PPP2R2C: variants seen among roughly 807,000 people sequenced by gnomAD.
PPP2R2C encodes the protein protein phosphatase 2, regulatory subunit B, gamma.
Under a neutral mutation model 45.3 loss-of-function variants are expected in PPP2R2C, and 10 were observed. The ratio of observed to expected loss-of-function variants is 0.22; its 90% CI spans 0.14 to 0.37. The LOEUF (loss-of-function observed/expected upper bound fraction) is 0.37. PPP2R2C is among the 10% of genes least tolerant of loss of function. The pLI is 1.00. For missense variants in PPP2R2C, 308 were observed against 619.7 expected, an observed-to-expected ratio of 0.50 and a Z score of 5.34; for synonymous variants, 257 against 245.4, an observed-to-expected ratio of 1.05 and a Z score of -0.44.
chr4:6,541,069 A>AAG (rs76437975), intron 1 of PPP2R2C, among the ~76,000 whole-genome samples: 28,634 of 152,058 alleles, frequency 0.19, 2,842 homozygotes, highest in Non-Finnish European at 0.23. Flanking sequence ...AGAAGAAAAC[A>AAG]AGGGAAAGGG....
chr4:6,477,335 A>G (rs1722197320), upstream of PPP2R2C, among the ~76,000 whole-genome samples: 1 of 152,332 alleles, frequency 6.6e-6, no homozygotes, highest in Non-Finnish European at 1.5e-5. Context: ...AAGAGGTAAC[A>G]GAAGATTGTC....
At chr4:6,410,566 T>C (rs775119477) in intron 1 of PPP2R2C, among the ~76,000 whole-genome samples, 3 of 152,108 alleles carry the variant, frequency 2.0e-5, no homozygotes, top group African/African-American at 4.8e-5. Context: ...GTAGGTACTG[T>C]GTGGGGAAAG....
chr4:6,558,459 C>A (rs978125083), intron 1 of PPP2R2C, among the ~76,000 whole-genome samples: 1 of 152,148 alleles, frequency 6.6e-6, no homozygotes, highest in Admixed American at 6.5e-5. Flanking sequence ...GGTGTGTGAG[C>A]CTTTACCTGC....
rs986081252 is a variant in PPP2R2C, at chr4:6,453,689, G to A, written c.70+18471C>T. On this transcript the variant is annotated intron_variant, in intron 1 of 8. Transcript: ENST00000382599. ...GGCTGAACAAACAAGATGATGGGGA[G>A]GTCGGTGTGTCCTTCTTGGAGTCAA... Among the ~76,000 whole-genome samples, 10 of 152,356 alleles carry A rather than the reference G, an allele frequency of 6.6e-5. No homozygotes were observed. The East Asian group carries it at 1.9e-3, about 29-fold the overall frequency.
chr4:6,384,674 G>A (rs770534125), intron 1 of PPP2R2C: 28 of 985,250 alleles, frequency 2.8e-5, no homozygotes, highest in Middle Eastern at 5.2e-4. Flanking sequence ...ACAAATGCTG[G>A]GTGGTTACCA....
rs767153139 is a variant in PPP2R2C, at chr4:6,324,603, G to A, written c.1053-1010C>T. ...TTCCCTCCAGGGGCCCGCCTGTCCC[G>A]AGGACTCGGGCGAATAAACAAACAT... is the stretch of plus-strand genomic sequence containing the variant. On this transcript the variant is annotated intron_variant, in intron 8 of 8. Coordinates refer to ENST00000382599, the MANE Select transcript of PPP2R2C (RefSeq NM_020416.4). The surrounding 1 kb of genome is among the most constrained non-coding windows in gnomAD (Gnocchi z 4.1). Among the ~76,000 whole-genome samples, 12 of 152,194 alleles carry A rather than the reference G, an allele frequency of 7.9e-5. No homozygotes were observed. The highest frequency in any genetic ancestry group is 1.5e-4 in the Non-Finnish European group (10 of 68,022).
chr4:6,430,717 G>A (rs907914397), intron 1 of PPP2R2C, among the ~76,000 whole-genome samples: 3 of 152,102 alleles, frequency 2.0e-5, no homozygotes, highest in African/African-American at 7.2e-5. Context: ...ATGAGGTCAG[G>A]AGTTCCAGAC....
At chr4:6,485,146 T>G (rs1722490319) in intron 2 of PPP2R2C, among the ~76,000 whole-genome samples, 1 of 151,930 alleles carries the variant, frequency 6.6e-6, no homozygotes, top group African/African-American at 2.4e-5. Context: ...GTCAAATCCT[T>G]TTTGTGTTTA....
chr4:6,363,306 C>T (rs545098264), intron 5 of PPP2R2C, among the ~76,000 whole-genome samples: 2 of 152,110 alleles, frequency 1.3e-5, no homozygotes, highest in African/African-American at 4.8e-5. Context: ...AGGCCAGGTG[C>T]GGTGGCTAAC....
intron 8 of PPP2R2C, among the ~76,000 whole-genome samples, 164 bp from the exon 9 acceptor site, chr4:6,323,757 G>A (rs930418992): frequency 5.3e-5 from 8 of 152,082 alleles, no homozygotes; most frequent in African/African-American, 1.2e-4. Flanking sequence ...ACAACATAGC[G>A]AGACTCCACC....
intron 1 of PPP2R2C, among the ~76,000 whole-genome samples, chr4:6,455,961 G>A (rs1467016291): frequency 6.6e-6 from 1 of 151,714 alleles, no homozygotes; most frequent in East Asian, 1.9e-4. Context: ...ACAGCCATCT[G>A]TTATGTCTCC....
intron 1 of PPP2R2C, among the ~76,000 whole-genome samples, chr4:6,465,770 A>G (rs983446401): frequency 5.9e-5 from 9 of 152,204 alleles, no homozygotes; most frequent in African/African-American, 2.2e-4. Context: ...ACTCACCAAA[A>G]TGCACAAGTT....
intron 1 of PPP2R2C, among the ~76,000 whole-genome samples, chr4:6,419,058 T>C (rs1292810262): frequency 1.3e-5 from 2 of 152,152 alleles, no homozygotes; most frequent in Non-Finnish European, 2.9e-5. Flanking sequence ...GCAAACTCAG[T>C]GACACCCAGC....
At chr4:6,459,962 C>G (rs1721242916) in intron 1 of PPP2R2C, among the ~76,000 whole-genome samples, 1 of 152,132 alleles carries the variant, frequency 6.6e-6, no homozygotes, top group Non-Finnish European at 1.5e-5. Flanking sequence ...TCAGAAGCAG[C>G]CATTCCACAC....
At position 6,384,948 on chromosome 4, in the gene PPP2R2C, T is replaced by C. The variant is rs1476253675; in HGVS notation, c.71-3854A>G. ...ACTTCTCTGAGCCTTGGTTTCATTA[T>C]CTGTAGTGTGCTTATGGTGGAGCCT... On this transcript the variant is annotated intron_variant, in intron 1 of 8. Transcript: ENST00000382599. The C allele has an allele frequency of 8.2e-6, 6 of 735,996 alleles. No homozygotes were observed. The African/African-American group carries it at 9.6e-5, about 12-fold the overall frequency. 45.6% of individuals were successfully genotyped at this position (735,996 alleles called of 1,614,324 possible).
chr4:6,381,344 A>T (rs1429186307), intron 1 of PPP2R2C: 1 of 1,506,708 alleles, frequency 6.6e-7, no homozygotes, highest in East Asian at 2.6e-5. Flanking sequence ...GCCTGGGGCG[A>T]CCACAGTGGC....
intron 4 of PPP2R2C, among the ~76,000 whole-genome samples, chr4:6,373,901 A>ATG (rs60094669): frequency 0.16 from 23,891 of 146,348 alleles, 2,250 homozygotes; most frequent in East Asian, 0.29. Context: ...ATGTGCATGC[A>ATG]TGTGTGTGTG....
chr4:6,385,903 C>G (rs1057481792), intron 1 of PPP2R2C, among the ~76,000 whole-genome samples: 1 of 152,150 alleles, frequency 6.6e-6, no homozygotes, highest in Non-Finnish European at 1.5e-5. Context: ...GTGCTCTTCA[C>G]TAGGTACTGA....
At chr4:6,350,244 C>G in intron 5 of PPP2R2C, 3 of 985,460 alleles carry the variant, frequency 3.0e-6, no homozygotes, top group Non-Finnish European at 3.6e-6. Context: ...CACCTGGCAG[C>G]CCAGCCCTCC....
Sources: allele counts gnomAD v4.1 joint callset (sites outside exome capture counted in the v4.1 genomes callset), GRCh38; gene constraint gnomAD v4.1.1; non-coding constraint Gnocchi (gnomAD v3.1); transcripts MANE v1.5; gene names NCBI Gene and HGNC (gene_info 2026-07-23, HGNC 2026-07-21).